The following EPS15L1 variants were observed in gnomAD, a reference collection of about 807,000 sequenced individuals.
EPS15L1 encodes the protein epidermal growth factor receptor pathway substrate 15 like 1, also known as epidermal growth factor receptor substrate 15-like 1.
In EPS15L1, 43 loss-of-function variants were observed where a neutral mutation model predicts 117.1. That is an observed-to-expected ratio of 0.37 (90% CI 0.29 to 0.47). The LOEUF (loss-of-function observed/expected upper bound fraction) is 0.47, where lower values mean the gene tolerates loss of function less well. Ranked by LOEUF, EPS15L1 falls within the 20% of genes least tolerant of loss-of-function variation. The pLI, the probability that EPS15L1 is intolerant of heterozygous loss-of-function variation, is 0.99. For missense variants in EPS15L1, 981 were observed against 1,164.0 expected (o/e 0.84, Z 2.29); for synonymous variants, 459 against 470.5 (o/e 0.98, Z 0.32).
At chr19:16,407,430 C>T (rs1340453880) in intron 13 of EPS15L1, among the ~76,000 whole-genome samples, 4 of 152,172 alleles carry the variant, frequency 2.6e-5, no homozygotes, top group African/African-American at 9.7e-5. Context: ...CTCAGTCTCC[C>T]GAGTAGCTGG....
intron 1 of EPS15L1, among the ~76,000 whole-genome samples, chr19:16,460,689 G>A (rs1039749090): frequency 6.6e-6 from 1 of 152,162 alleles, no homozygotes; most frequent in Non-Finnish European, 1.5e-5. Context: ...AAGCCAGCAC[G>A]GGGGTGCCGC....
At chr19:16,359,303 TAGTCA>T (rs1016190820) in intron 23 of EPS15L1, among the ~76,000 whole-genome samples, 2 of 152,096 alleles carry the variant, frequency 1.3e-5, no homozygotes, top group African/African-American at 4.8e-5. Context: ...TTAGCACAAA[TAGTCA>T]AGATCCAGTG....
chr19:16,450,859 A>T lies in EPS15L1; in HGVS notation c.34-8640T>A, dbSNP rs181212913. ...GAGAATCCAGGACTCTTCCTTCAGA[A>T]CCTGAACATAGCCATCATCATCAAT... On this transcript the variant is annotated intron_variant, in intron 1 of 23. Coordinates refer to ENST00000455140, the MANE Select transcript of EPS15L1 (RefSeq NM_001258374.3). Among the ~76,000 whole-genome samples the T allele has an allele frequency of 1.1e-3, 161 of 152,154 alleles. 2 individuals are homozygous for T. The highest frequency in any genetic ancestry group is 7.5e-3 in the South Asian group (36 of 4,822).
At chr19:16,469,687 G>C (rs4808513) in intron 1 of EPS15L1, among the ~76,000 whole-genome samples, 95,483 of 151,816 alleles carry the variant, frequency 0.63, 30,709 homozygotes, top group South Asian at 0.75. Flanking sequence ...AGACAGGAGT[G>C]GGGGTGGAGA....
At chr19:16,363,999 C>T (rs1278228140) in intron 22 of EPS15L1, among the ~76,000 whole-genome samples, 2 of 152,104 alleles carry the variant, frequency 1.3e-5, no homozygotes, top group Non-Finnish European at 1.5e-5. Flanking sequence ...CCACCGGGGT[C>T]GCCGTTGCAT....
intron 19 of EPS15L1, among the ~76,000 whole-genome samples, chr19:16,386,434 T>A (rs1401484461): frequency 6.6e-6 from 1 of 152,184 alleles, no homozygotes; most frequent in African/African-American, 2.4e-5. Flanking sequence ...CTGGACGGAA[T>A]ATCCCCAAAA....
chr19:16,371,891 T>C lies in EPS15L1; in HGVS notation c.2380+5231A>G, dbSNP rs982910318. Among the ~76,000 whole-genome samples, 1 of 152,120 alleles carries C rather than the reference T, an allele frequency of 6.6e-6. No individual in the cohort carries two copies. Among genetic ancestry groups the C allele is most frequent in the Admixed American group, 6.5e-5 (1 of 15,278 alleles). ...TATACCATTGTTTACCTGGGGGAGG[T>C]GTGTGCCACGGCTAACTTTAACCTA... On this transcript the variant is annotated intron_variant, in intron 22 of 23. Coordinates refer to ENST00000455140, the MANE Select transcript of EPS15L1 (RefSeq NM_001258374.3). The surrounding 1 kb of genome is among the most constrained non-coding windows in gnomAD (Gnocchi z 4.7).
chr19:16,401,906 A>C, intron 16 of EPS15L1: 10 of 996,546 alleles, frequency 1.0e-5, no homozygotes, highest in Non-Finnish European at 1.2e-5. Flanking sequence ...GTGGAAACAC[A>C]CATACACATA....
At chr19:16,402,507 A>G in intron 15 of EPS15L1, 22 bp from the exon 16 acceptor site, 1 of 1,560,830 alleles carries the variant, frequency 6.4e-7, no homozygotes, top group African/African-American at 1.4e-5. Flanking sequence ...AGACATCATC[A>G]GCATTAAGCA....
intron 1 of EPS15L1, among the ~76,000 whole-genome samples, chr19:16,460,780 G>C (rs1416894321): frequency 6.6e-6 from 1 of 152,190 alleles, no homozygotes; most frequent in Non-Finnish European, 1.5e-5. Context: ...TAGGCCAATC[G>C]TGTCTGGGAC....
At chr19:16,417,451 T>C (rs767130838) in intron 12 of EPS15L1, 101 bp downstream of exon 12, 1 of 976,178 alleles carries the variant, frequency 1.0e-6, no homozygotes, top group Non-Finnish European at 1.6e-6. Context: ...AATAAACCTG[T>C]GATGAGCAAA....
At chr19:16,450,703 G>A (rs189191321) in intron 1 of EPS15L1, among the ~76,000 whole-genome samples, 155 of 151,854 alleles carry the variant, frequency 1.0e-3, no homozygotes, top group African/African-American at 3.5e-3. Flanking sequence ...GGATGGTCTC[G>A]CCCTCCTGAC....
At chr19:16,361,553 T>A in intron 23 of EPS15L1, 1 of 1,265,334 alleles carries the variant, frequency 7.9e-7, no homozygotes, top group Non-Finnish European at 1.0e-6. Context: ...GAAGAAAACG[T>A]GCCCTTATGA....
rs1186806463 is a variant in EPS15L1 at position 16,365,387 on chromosome 19, A to G, written c.2381-3403T>C. Among the ~76,000 whole-genome samples the G allele has an allele frequency of 6.6e-6, 1 of 151,660 alleles. No individual in the cohort carries two copies. The highest frequency in any genetic ancestry group is 1.5e-5 in the Non-Finnish European group (1 of 67,844). ...AAGGATCAATGACTGTCTTCACTGA[A>G]AGAACTTAGGACACAGATCTACACA... On this transcript the variant is annotated intron_variant, in intron 22 of 23. Transcript: ENST00000455140. The surrounding 1 kb of genome is among the most constrained non-coding windows in gnomAD (Gnocchi z 4.9).
intron 1 of EPS15L1, among the ~76,000 whole-genome samples, chr19:16,456,046 T>A (rs1444155646): frequency 1.3e-5 from 2 of 151,504 alleles, no homozygotes; most frequent in Non-Finnish European, 2.9e-5. Context: ...ACTAAAAATA[T>A]AAAATTAGCT....
intron 7 of EPS15L1, among the ~76,000 whole-genome samples, chr19:16,434,004 G>A (rs2092954745): frequency 6.7e-6 from 1 of 148,384 alleles, no homozygotes; most frequent in African/African-American, 2.5e-5. Context: ...AATAGACACA[G>A]ACACACATTC....
At chr19:16,403,574 G>A (rs1425033717) in intron 15 of EPS15L1, among the ~76,000 whole-genome samples, 159 bp downstream of exon 15, 1 of 152,150 alleles carries the variant, frequency 6.6e-6, no homozygotes, top group East Asian at 1.9e-4. Flanking sequence ...GCCCTGGGGA[G>A]TCCTTGGCCC....
rs2092487328 is a variant in EPS15L1, at chr19:16,392,444, G to A, written c.1967-4C>T. ...AAAGGGTCCCCTCCAAATGGATCTA[G>A]AAGGAAAAATGCCCCATAAGTAAAC... On this transcript the variant is annotated splice_region_variant and splice_polypyrimidine_tract_variant and intron_variant, in intron 18 of 23. Transcript: ENST00000455140. 1 of 1,613,768 alleles carries A rather than the reference G, an allele frequency of 6.2e-7. No individual in the cohort carries two copies. The highest frequency in any genetic ancestry group is 8.5e-7 in the Non-Finnish European group (1 of 1,179,794).
At chr19:16,429,116 C>G (rs1489981998) in intron 7 of EPS15L1, among the ~76,000 whole-genome samples, 3 of 152,138 alleles carry the variant, frequency 2.0e-5, no homozygotes, top group African/African-American at 4.8e-5. Context: ...AACACCCACA[C>G]TCCCTATGCT....
Sources: gnomAD v4.1 joint callset for allele counts (sites outside exome capture counted in the v4.1 genomes callset) on GRCh38, gnomAD v4.1.1 for gene constraint, Gnocchi (gnomAD v3.1) non-coding constraint, MANE v1.5 for transcripts, NCBI Gene and HGNC (gene_info 2026-07-23, HGNC 2026-07-21) for gene names.